Variants in SND1 observed in about 807,000 individuals in gnomAD.
The protein encoded by SND1 is staphylococcal nuclease and tudor domain containing 1.
A neutral mutation model predicts 121.7 loss-of-function variants in SND1; 38 were observed. The observed-to-expected ratio is 0.31, with a 90% CI of 0.24 to 0.41. SND1 has a LOEUF of 0.41. SND1 is among the 10% of genes least tolerant of loss of function. The pLI is 1.00. For synonymous variants in SND1, 401 were observed against 447.4 expected (o/e 0.90, Z 1.31); for missense variants, 868 against 1,184.6 (o/e 0.73, Z 3.92).
chr7:127,913,194 AC>A lies in SND1; in HGVS notation c.1527+8376del. On this transcript the variant is annotated intron_variant, in intron 14 of 23. Coordinates refer to ENST00000354725, the MANE Select transcript of SND1 (RefSeq NM_014390.4). ...TTCTTTATTTGTTCGTTCTTATATA[AC>A]AAAAACATCTTCCTCCCAGTATAAT... Among the ~76,000 whole-genome samples, 3 of 152,314 alleles carry A rather than the reference AC, an allele frequency of 2.0e-5. No individual in the cohort carries two copies. The South Asian group carries it at 6.2e-4, about 32-fold the overall frequency.
At chr7:127,936,078 G>A (rs1018683456) in intron 15 of SND1, among the ~76,000 whole-genome samples, 13 of 152,176 alleles carry the variant, frequency 8.5e-5, no homozygotes, top group African/African-American at 3.1e-4. Context: ...GATAGCAGGT[G>A]GGGCTAGAGA....
chr7:127,817,893 C>CCT (rs1798476988), intron 11 of SND1, among the ~76,000 whole-genome samples: 1 of 152,040 alleles, frequency 6.6e-6, no homozygotes, highest in Non-Finnish European at 1.5e-5. Context: ...GGGCAAAGAG[C>CCT]CTCTCTTGTC....
chr7:127,894,170 A>G (rs1039786799), intron 13 of SND1, among the ~76,000 whole-genome samples: 17 of 152,094 alleles, frequency 1.1e-4, no homozygotes, highest in African/African-American at 3.9e-4. Context: ...AACGCAGTTA[A>G]TGGGGGCCAC....
intron 16 of SND1, among the ~76,000 whole-genome samples, chr7:128,006,555 T>C (rs527325304): frequency 1.5e-4 from 23 of 152,366 alleles, no homozygotes; most frequent in Middle Eastern, 3.4e-3. Context: ...AGAGGGAAGT[T>C]GGCACTGACT....
At chr7:127,914,485 A>G (rs1471897818) in intron 14 of SND1, among the ~76,000 whole-genome samples, 2 of 152,152 alleles carry the variant, frequency 1.3e-5, no homozygotes, top group African/African-American at 4.8e-5. Context: ...GTGCTTGTTG[A>G]TAAATTGATA....
chr7:127,702,865 CAG>C (rs1252152213), intron 6 of SND1, among the ~76,000 whole-genome samples: 2 of 152,070 alleles, frequency 1.3e-5, no homozygotes, highest in Non-Finnish European at 2.9e-5. Flanking sequence ...TTTAAAAAAT[CAG>C]AGATTAAAAG....
intron 10 of SND1, among the ~76,000 whole-genome samples, chr7:127,744,856 T>A (rs1796949207): frequency 6.6e-6 from 1 of 152,204 alleles, no homozygotes; most frequent in South Asian, 2.1e-4. Context: ...CCTGAATGTT[T>A]AGATTGCTGC....
At position 127,844,381 on chromosome 7, in the gene SND1, G is replaced by A. The variant is rs1252538036; in HGVS notation, c.1300G>A (p.Ala434Thr). 6.2e-7 allele frequency: 1 copy of A among 1,613,592 alleles called. No individual in the cohort carries two copies. Among genetic ancestry groups the A allele is most frequent in the Non-Finnish European group, 8.5e-7 (1 of 1,179,788 alleles). ...PASPATETVP[A>T]FSERTCATVT... ...CAGCCCAGCCACAGAGACAGTGCCT[G>A]CCTTTTCAGAGCGTACCTGTGCCAC... Residue 434 changes from alanine (A) to threonine (T), a missense_variant, in exon 12 of 24, where the codon GCC (alanine) becomes ACC (threonine). By Grantham distance (58) the Ala-to-Thr change is moderately conservative (BLOSUM62 0). Transcript: ENST00000354725.
At chr7:127,875,750 C>T (rs1197577194) in intron 12 of SND1, among the ~76,000 whole-genome samples, 3 of 152,100 alleles carry the variant, frequency 2.0e-5, no homozygotes, top group Admixed American at 6.6e-5. Context: ...CCATGGTGGA[C>T]ATCCTGTAGA....
At chr7:127,884,537 C>T (rs940190071) in intron 12 of SND1, among the ~76,000 whole-genome samples, 10 of 152,098 alleles carry the variant, frequency 6.6e-5, no homozygotes, top group Admixed American at 2.0e-4. Flanking sequence ...GTTCCTCTGA[C>T]GGACAATTTT....
intron 10 of SND1, among the ~76,000 whole-genome samples, chr7:127,757,108 G>A (rs966554152): frequency 3.9e-5 from 6 of 152,066 alleles, no homozygotes; most frequent in Admixed American, 6.6e-5. Flanking sequence ...TCCAGATGGC[G>A]TTTTTTATGC....
At chr7:127,760,410 G>A (rs1202091084) in intron 10 of SND1, among the ~76,000 whole-genome samples, 7 of 152,186 alleles carry the variant, frequency 4.6e-5, no homozygotes, top group Non-Finnish European at 2.9e-5. Flanking sequence ...GGTAAATGAA[G>A]TTGAATAAGA....
chr7:127,701,819 A>C (rs1012198567), intron 5 of SND1, among the ~76,000 whole-genome samples: 1 of 152,164 alleles, frequency 6.6e-6, no homozygotes, highest in African/African-American at 2.4e-5. Flanking sequence ...ATATACTTTA[A>C]ATCATTGCTA....
intron 16 of SND1, among the ~76,000 whole-genome samples, chr7:128,067,871 C>T (rs1793343470): frequency 6.7e-6 from 1 of 150,324 alleles, no homozygotes; most frequent in Non-Finnish European, 1.5e-5. Context: ...CTTTGGGTGC[C>T]CTGAGTCATC....
At chr7:127,930,217 G>A (rs773857025) in intron 15 of SND1, among the ~76,000 whole-genome samples, 1 of 150,526 alleles carries the variant, frequency 6.6e-6, no homozygotes, top group Non-Finnish European at 1.5e-5. Flanking sequence ...AGATGCACAT[G>A]GTCCCCACCT....
At chr7:128,065,601 GAA>G (rs1793299773) in intron 16 of SND1, among the ~76,000 whole-genome samples, 1 of 152,200 alleles carries the variant, frequency 6.6e-6, no homozygotes, top group Non-Finnish European at 1.5e-5. Context: ...TTTTCCCCAA[GAA>G]AAGAGGCCAA....
intron 10 of SND1, among the ~76,000 whole-genome samples, chr7:127,749,905 T>C (rs778019325): frequency 2.0e-5 from 3 of 152,142 alleles, no homozygotes; most frequent in African/African-American, 4.8e-5. Flanking sequence ...CCAGGAATTC[T>C]AGACCAACTT....
intron 11 of SND1, among the ~76,000 whole-genome samples, chr7:127,821,162 G>T (rs1798539910): frequency 6.6e-6 from 1 of 152,222 alleles, no homozygotes; most frequent in Non-Finnish European, 1.5e-5. Flanking sequence ...ACATGGACAA[G>T]GAAAATGTTG....
chr7:127,873,616 A>G (rs1799636655), intron 12 of SND1, among the ~76,000 whole-genome samples: 2 of 152,170 alleles, frequency 1.3e-5, no homozygotes, highest in South Asian at 4.1e-4. Context: ...ACTCAGGCTT[A>G]GGGACCATTT....
Sources: allele counts gnomAD v4.1 joint callset (sites outside exome capture counted in the v4.1 genomes callset), GRCh38; gene constraint gnomAD v4.1.1; transcripts MANE v1.5; gene names NCBI Gene and HGNC (gene_info 2026-07-23, HGNC 2026-07-21).